The following SOCS5 variants were observed in gnomAD, a reference collection of about 807,000 sequenced individuals.
SOCS5 encodes the protein suppressor of cytokine signaling 5, also known as CIS-6.
In SOCS5, 32 loss-of-function variants were observed where a neutral mutation model predicts 42.8. The observed-to-expected ratio is 0.75, with a 90% confidence interval of 0.56 to 1.01. The LOEUF is 1.01. Among genes scored for constraint, SOCS5 ranks in the 50% least tolerant of loss-of-function variants. SOCS5 has a pLI of 0.00. For missense variants in SOCS5, 627 were observed against 653.0 expected (o/e 0.96, Z 0.43); for synonymous variants, 283 against 229.6 (o/e 1.23, Z -2.10).
At chr2:46,727,490 A>G (rs997850394) in intron 1 of SOCS5, among the ~76,000 whole-genome samples, 10 of 152,002 alleles carry the variant, frequency 6.6e-5, no homozygotes, top group African/African-American at 2.2e-4. Context: ...GAATGTTGCT[A>G]TTTGTGTTTT....
At chr2:46,741,020 C>T (rs1269346696) in intron 1 of SOCS5, among the ~76,000 whole-genome samples, 6 of 152,150 alleles carry the variant, frequency 3.9e-5, no homozygotes, top group African/African-American at 1.2e-4. Context: ...GAGAAAGTCA[C>T]GCTGGCTTGA....
At chr2:46,742,468 G>A (rs72802458) in intron 1 of SOCS5, among the ~76,000 whole-genome samples, 7,380 of 151,138 alleles carry the variant, frequency 0.049, 257 homozygotes, top group Non-Finnish European at 0.08. Context: ...GTATCATGTC[G>A]TTTCCATATG....
intron 1 of SOCS5, among the ~76,000 whole-genome samples, chr2:46,730,038 A>T (rs994495492): frequency 2.6e-5 from 4 of 152,198 alleles, no homozygotes; most frequent in Non-Finnish European, 5.9e-5. Flanking sequence ...GGTTAGGATC[A>T]TCTAGACATC....
At chr2:46,745,759 A>G (rs1317811139) in intron 1 of SOCS5, among the ~76,000 whole-genome samples, 1 of 152,104 alleles carries the variant, frequency 6.6e-6, no homozygotes, top group Non-Finnish European at 1.5e-5. Context: ...ATCTCTTTCG[A>G]TTGTTTATTT....
intron 1 of SOCS5, among the ~76,000 whole-genome samples, chr2:46,731,406 C>T (rs546828416): frequency 6.6e-6 from 1 of 152,314 alleles, no homozygotes; most frequent in South Asian, 2.1e-4. Flanking sequence ...GCCTCCAGAA[C>T]TATGAGAAAT....
At chr2:46,720,548 A>C (rs1188881293) in intron 1 of SOCS5, among the ~76,000 whole-genome samples, 2 of 152,178 alleles carry the variant, frequency 1.3e-5, no homozygotes, top group Admixed American at 6.5e-5. Flanking sequence ...ATTTTTTATA[A>C]AACCAGAAGT....
chr2:46,731,861 A>C (rs1424832336), intron 1 of SOCS5, among the ~76,000 whole-genome samples: 13 of 152,258 alleles, frequency 8.5e-5, no homozygotes, highest in Admixed American at 8.5e-4. Flanking sequence ...TAAAAACTAC[A>C]ATAAATATGG....
intron 1 of SOCS5, among the ~76,000 whole-genome samples, chr2:46,709,871 C>T (rs1219284835): frequency 6.6e-6 from 1 of 151,974 alleles, no homozygotes; most frequent in Non-Finnish European, 1.5e-5. Flanking sequence ...TTTTAAAATC[C>T]CTTGTATCTT....
At chr2:46,714,414 T>G (rs1422265025) in intron 1 of SOCS5, among the ~76,000 whole-genome samples, 1 of 152,250 alleles carries the variant, frequency 6.6e-6, no homozygotes, top group Non-Finnish European at 1.5e-5. Context: ...TCCCAGGTAG[T>G]TTCCGTTGTT....
At position 46,758,840 on chromosome 2, in the gene SOCS5, C is replaced by T. The variant is rs1673788235; in HGVS notation, c.310C>T (p.Pro104Ser). 1.2e-6 allele frequency: 2 copies of T among 1,613,948 alleles called. No homozygotes were observed. The highest frequency in any genetic ancestry group is 1.7e-6 in the Non-Finnish European group (2 of 1,179,834). The change falls in exon 2 of 2, where the codon CCA (proline) becomes TCA (serine). Residue 104 changes from proline to serine, a missense_variant. Physicochemically the swap from Pro to Ser is moderately conservative, Grantham distance 74. Coordinates refer to ENST00000394861, the MANE Select transcript of SOCS5 (RefSeq NM_144949.3). Reference protein sequence around the residue: ...IEKDNDSCVTPGTRLARRDSY... With the variant: ...IEKDNDSCVTSGTRLARRDSY... ...AAAGGATAATGATTCTTGTGTTACC[C>T]CAGGAACAAGACTTGCACGAAGAGA...
At chr2:46,705,241 T>C (rs1672436289) in intron 1 of SOCS5, among the ~76,000 whole-genome samples, 1 of 152,192 alleles carries the variant, frequency 6.6e-6, no homozygotes, top group African/African-American at 2.4e-5. Flanking sequence ...TTATAGCCGG[T>C]TGGTCAGAAG....
chr2:46,711,637 A>G (rs910442054), intron 1 of SOCS5, among the ~76,000 whole-genome samples: 12 of 152,182 alleles, frequency 7.9e-5, no homozygotes, highest in Non-Finnish European at 4.4e-5. Context: ...TATTTTATCA[A>G]TATTTCCTCT....
intron 1 of SOCS5, among the ~76,000 whole-genome samples, chr2:46,720,869 T>C (rs1364902037): frequency 6.6e-6 from 1 of 151,230 alleles, no homozygotes; most frequent in Non-Finnish European, 1.5e-5. Context: ...AGTCTTCCTT[T>C]TGGGTGTCAG....
At chr2:46,737,961 T>C (rs1436653941) in intron 1 of SOCS5, among the ~76,000 whole-genome samples, 2 of 152,134 alleles carry the variant, frequency 1.3e-5, no homozygotes, top group Non-Finnish European at 2.9e-5. Flanking sequence ...CTTACAGTTG[T>C]AGAGATAAAA....
At chr2:46,718,062 T>C (rs1672789461) in intron 1 of SOCS5, among the ~76,000 whole-genome samples, 1 of 150,650 alleles carries the variant, frequency 6.6e-6, no homozygotes, top group African/African-American at 2.5e-5. Context: ...AACTTCAAGC[T>C]CTATTTCCTC....
At chr2:46,720,850 G>T (rs1320346966) in intron 1 of SOCS5, among the ~76,000 whole-genome samples, 2 of 152,162 alleles carry the variant, frequency 1.3e-5, no homozygotes. Context: ...GAGGCAAGGA[G>T]AGGAGCCAAG....
intron 1 of SOCS5, among the ~76,000 whole-genome samples, chr2:46,718,140 C>T (rs964313802): frequency 6.6e-6 from 1 of 151,862 alleles, no homozygotes; most frequent in Non-Finnish European, 1.5e-5. Flanking sequence ...GGGGTATAAG[C>T]AGAAAGCCAG....
At chr2:46,741,147 T>C (rs6714964) in intron 1 of SOCS5, among the ~76,000 whole-genome samples, 1 of 152,160 alleles carries the variant, frequency 6.6e-6, no homozygotes, top group South Asian at 2.1e-4. Context: ...AAAAAGTTTT[T>C]AAAATATTTC....
At chr2:46,713,648 T>C (rs1672677259) in intron 1 of SOCS5, among the ~76,000 whole-genome samples, 1 of 152,162 alleles carries the variant, frequency 6.6e-6, no homozygotes, top group African/African-American at 2.4e-5. Context: ...TTTATCTGTT[T>C]TCTGTTTCAT....
Sources: gnomAD v4.1 joint callset for allele counts (sites outside exome capture counted in the v4.1 genomes callset) on GRCh38, gnomAD v4.1.1 for gene constraint, MANE v1.5 for transcripts, NCBI Gene and HGNC (gene_info 2026-07-23, HGNC 2026-07-21) for gene names.